Variants in AUTS2 observed in about 807,000 individuals in gnomAD.
AUTS2 encodes the protein autism susceptibility gene 2 protein.
AUTS2 carries 17 observed loss-of-function variants against 112.4 expected under a neutral mutation model. That is an observed-to-expected ratio of 0.15 (90% confidence interval 0.10 to 0.23). The LOEUF (loss-of-function observed/expected upper bound fraction) is 0.23. Among genes scored for constraint, AUTS2 ranks in the 10% least tolerant of loss-of-function variants. AUTS2 has a pLI of 1.00. For synonymous variants in AUTS2, 751 were observed against 702.7 expected (o/e 1.07, Z -1.09); for missense variants, 1,510 against 1,701.6 (o/e 0.89, Z 1.98).
At chr7:70,662,322 G>A (rs1807119483) in intron 5 of AUTS2, among the ~76,000 whole-genome samples, 1 of 152,208 alleles carries the variant, frequency 6.6e-6, no homozygotes, top group South Asian at 2.1e-4. Flanking sequence ...CCACCACCCT[G>A]CCCTTTCCAG....
intron 2 of AUTS2, among the ~76,000 whole-genome samples, chr7:70,040,995 C>T (rs1176909354): frequency 1.3e-5 from 2 of 152,134 alleles, no homozygotes; most frequent in Non-Finnish European, 2.9e-5. Flanking sequence ...TTAACACATC[C>T]ATTTTCTAAG....
intron 4 of AUTS2, among the ~76,000 whole-genome samples, chr7:70,256,633 G>A (rs1481201437): frequency 1.3e-5 from 2 of 152,152 alleles, no homozygotes; most frequent in African/African-American, 2.4e-5. Flanking sequence ...CATCACCGTG[G>A]CTGACCACAG....
At chr7:70,240,430 G>A (rs916141980) in intron 4 of AUTS2, among the ~76,000 whole-genome samples, 9 of 152,266 alleles carry the variant, frequency 5.9e-5, no homozygotes, top group East Asian at 1.9e-4. Flanking sequence ...GAAGGAGCTG[G>A]GTAAATGATG....
At chr7:69,675,272 C>T (rs1257157647) in intron 1 of AUTS2, among the ~76,000 whole-genome samples, 3 of 152,078 alleles carry the variant, frequency 2.0e-5, no homozygotes, top group Non-Finnish European at 2.9e-5. Context: ...CTTTTTTAGA[C>T]GTACATGAAA....
At position 70,764,833 on chromosome 7, in the gene AUTS2, C is replaced by T. The variant is rs1585649984; in HGVS notation, c.1296C>T (p.Pro432=). 1 of 1,375,110 alleles carries T rather than the reference C, an allele frequency of 7.3e-7. No homozygotes were observed. Among genetic ancestry groups the T allele is most frequent in the Non-Finnish European group, 1.0e-6 (1 of 984,696 alleles). 85.2% of individuals were successfully genotyped at this position (1,375,110 alleles called of 1,614,324 possible). A position where few individuals can be genotyped will look rare whatever the true frequency, so the allele number is the denominator to read the frequency against. ...ISHHPSASPF[P]LSLPNHSPLH... ...ACCACCCCTCTGCCTCCCCGTTCCC[C>T]CTCTCCCTGCCCAACCACAGCCCCC... is the stretch of plus-strand genomic sequence containing the variant. The change falls in exon 8 of 19, where the codon CCC becomes CCT. Residue 432 remains proline (P), a synonymous_variant. Coordinates refer to ENST00000342771, the MANE Select transcript of AUTS2 (RefSeq NM_015570.4).
chr7:70,760,804 G>T (rs979465084), intron 6 of AUTS2, among the ~76,000 whole-genome samples: 4 of 152,224 alleles, frequency 2.6e-5, no homozygotes, highest in Non-Finnish European at 5.9e-5. Context: ...TCCCAGAAAG[G>T]TTGATAAGAC....
intron 4 of AUTS2, among the ~76,000 whole-genome samples, chr7:70,385,439 A>C (rs772415776): frequency 6.6e-6 from 1 of 152,248 alleles, no homozygotes; most frequent in African/African-American, 2.4e-5. Flanking sequence ...TTTAACTCTC[A>C]TTCTGCCACA....
rs562278291 is a variant in AUTS2 at position 70,096,289 on chromosome 7, T to C, written c.523-21843T>C. On this transcript the variant is annotated intron_variant, in intron 2 of 18. Coordinates refer to ENST00000342771, the MANE Select transcript of AUTS2 (RefSeq NM_015570.4). ...ACCCTGAAACTATGCATATCAATTA[T>C]GCATGAATAAAAAAATTGTTGAAAA... Among the ~76,000 whole-genome samples, 9 of 152,240 alleles carry C rather than the reference T, an allele frequency of 5.9e-5. No homozygotes were observed. In the South Asian group the frequency reaches 1.0e-3, roughly 18 times the overall value.
intron 1 of AUTS2, among the ~76,000 whole-genome samples, chr7:69,751,344 A>G (rs948700008): frequency 6.6e-6 from 1 of 152,136 alleles, no homozygotes; most frequent in Non-Finnish European, 1.5e-5. Context: ...TTTCAATGCT[A>G]TTTATGACCT....
intron 1 of AUTS2, among the ~76,000 whole-genome samples, chr7:69,708,552 C>A (rs1394100180): frequency 1.3e-5 from 2 of 152,164 alleles, no homozygotes; most frequent in African/African-American, 4.8e-5. Context: ...CTCTCTCATG[C>A]ATGCAAGTGC....
intron 5 of AUTS2, among the ~76,000 whole-genome samples, chr7:70,463,331 T>C (rs1439177720): frequency 6.6e-6 from 1 of 152,254 alleles, no homozygotes; most frequent in Non-Finnish European, 1.5e-5. Flanking sequence ...CAGCTGTATT[T>C]TTCTGTTCAT....
At chr7:69,961,381 T>C (rs887008389) in intron 2 of AUTS2, among the ~76,000 whole-genome samples, 1 of 152,188 alleles carries the variant, frequency 6.6e-6, no homozygotes, top group Non-Finnish European at 1.5e-5. Flanking sequence ...GAGTCCATTT[T>C]ATAGATAGAC....
At chr7:69,755,096 C>T (rs1194730706) in intron 1 of AUTS2, among the ~76,000 whole-genome samples, 4 of 152,180 alleles carry the variant, frequency 2.6e-5, no homozygotes, top group African/African-American at 4.8e-5. Flanking sequence ...AGTGACTTGA[C>T]GAGGTCACCC....
chr7:70,781,747 T>G lies in AUTS2; in HGVS notation c.2137T>G (p.Ser713Ala). ...HDLARPSTLFSAAGAAHPTGT... is the reference protein window; with the variant it reads ...HDLARPSTLFAAAGAAHPTGT... ...CCTGGCACGGCCTTCAACTTTGTTC[T>G]CTGCCGCTGGTGAGTGTGGGTTTGG... The change falls in exon 15 of 19, where the codon TCT (serine) becomes GCT (alanine). Residue 713 changes from serine (S) to alanine (A), a missense_variant. Around this residue, in one of 3 missense-constraint regions of AUTS2, gnomAD observed 788 missense variants for 797.6 expected, o/e 0.99. Transcript: ENST00000342771. 2 of 1,614,096 alleles carry G rather than the reference T, an allele frequency of 1.2e-6. No homozygotes were observed. Among genetic ancestry groups the G allele is most frequent in the Non-Finnish European group, 1.7e-6 (2 of 1,179,964 alleles).
At chr7:69,890,248 AGT>A (rs919540607) in intron 1 of AUTS2, among the ~76,000 whole-genome samples, 5 of 152,136 alleles carry the variant, frequency 3.3e-5, no homozygotes, top group African/African-American at 1.2e-4. Context: ...CAATTCACAG[AGT>A]GTGCAAAAAT....
At chr7:70,780,705 C>T (rs1229856867) in intron 14 of AUTS2, among the ~76,000 whole-genome samples, 1 of 152,154 alleles carries the variant, frequency 6.6e-6, no homozygotes, top group Non-Finnish European at 1.5e-5. Context: ...CAGGTAATTA[C>T]AGGTAGTAGG....
chr7:69,872,304 G>A (rs2129535935), intron 1 of AUTS2, among the ~76,000 whole-genome samples: 1 of 152,332 alleles, frequency 6.6e-6, no homozygotes, highest in South Asian at 2.1e-4. Flanking sequence ...GGCTTCAAAA[G>A]TAGGAAAGGT....
At chr7:70,285,243 C>G (rs1039085038) in intron 4 of AUTS2, among the ~76,000 whole-genome samples, 3 of 152,118 alleles carry the variant, frequency 2.0e-5, no homozygotes, top group African/African-American at 7.2e-5. Flanking sequence ...ACCATGTAAT[C>G]TTCAGGAACC....
rs1789832563 is a variant in AUTS2 at position 70,764,957 on chromosome 7, T to C, written c.1420T>C (p.Ser474Pro). ...TALPPPPPLT[S>P]GSLQVAGHPA... The stretch of plus-strand genomic sequence containing the variant: ...TCTGCCTCCTCCACCACCACTGACA[T>C]CAGGAAGTCTGCAGGTGGCCGGACA... The change falls in exon 8 of 19, where the codon TCA becomes CCA. Residue 474 changes from serine (S) to proline (P), a missense_variant. By Grantham distance (74) the Ser-to-Pro change is moderately conservative. Coordinates refer to ENST00000342771, the MANE Select transcript of AUTS2 (RefSeq NM_015570.4). 1 of 1,596,414 alleles carries C rather than the reference T, an allele frequency of 6.3e-7. No individual in the cohort carries two copies. Among genetic ancestry groups the C allele is most frequent in the African/African-American group, 1.4e-5 (1 of 72,836 alleles).
Sources: allele counts gnomAD v4.1 joint callset (sites outside exome capture counted in the v4.1 genomes callset), GRCh38; gene constraint gnomAD v4.1.1; regional missense constraint gnomAD v4.1.1; transcripts MANE v1.5; gene names NCBI Gene and HGNC (gene_info 2026-07-23, HGNC 2026-07-21).